Variants in STXBP5 observed in about 807,000 individuals in gnomAD.
STXBP5 encodes the protein syntaxin-binding protein 5.
A neutral mutation model predicts 152.4 loss-of-function variants in STXBP5; 50 were observed. The observed-to-expected ratio is 0.33, with a 90% CI of 0.26 to 0.42. The LOEUF (loss-of-function observed/expected upper bound fraction) is 0.42. Ranked by LOEUF, STXBP5 falls within the 10% of genes least tolerant of loss-of-function variation. The probability of loss-of-function intolerance (pLI) is 1.00; values close to 1 mark genes in which losing one functional copy is unlikely to be tolerated. For synonymous variants in STXBP5, 492 were observed against 494.7 expected, an observed-to-expected ratio of 0.99 and a Z score of 0.07; for missense variants, 1,167 against 1,388.6, an observed-to-expected ratio of 0.84 and a Z score of 2.54.
intron 8 of STXBP5, among the ~76,000 whole-genome samples, chr6:147,282,288 C>G (rs551199952): frequency 6.6e-6 from 1 of 152,114 alleles, no homozygotes; most frequent in African/African-American, 2.4e-5. Flanking sequence ...GAGCATTTTT[C>G]TTCACTTTAA....
intron 27 of STXBP5, 136 bp downstream of exon 27, chr6:147,383,134 T>G: frequency 9.8e-7 from 1 of 1,024,678 alleles, no homozygotes; most frequent in South Asian, 1.7e-5. Flanking sequence ...AGTTCCTGAT[T>G]TTTGCCACCA....
At position 147,353,305 on chromosome 6, in the gene STXBP5, A is replaced by T; in HGVS notation, c.2255-18A>T. 1 of 1,546,190 alleles carries T rather than the reference A, an allele frequency of 6.5e-7. No individual in the cohort carries two copies. ...TCAAATATTCTTCAGAATTTTAAAA[A>T]TGTCTTTTATTTTTCAGCAAAGATG... On this transcript the variant is annotated intron_variant, in intron 21 of 27. Transcript: ENST00000321680.
intron 7 of STXBP5, among the ~76,000 whole-genome samples, chr6:147,272,058 C>T (rs190172149): frequency 4.4e-4 from 67 of 152,100 alleles, no homozygotes; most frequent in Middle Eastern, 3.4e-3. Flanking sequence ...TTGGAAGTAC[C>T]GACGCTCACT....
At chr6:147,309,657 C>T (rs1782267759) in intron 9 of STXBP5, among the ~76,000 whole-genome samples, 1 of 151,882 alleles carries the variant, frequency 6.6e-6, no homozygotes. Context: ...GAGTACAATT[C>T]TTGATGCGTT....
chr6:147,333,496 C>G (rs1436351623), intron 18 of STXBP5, among the ~76,000 whole-genome samples: 1 of 152,174 alleles, frequency 6.6e-6, no homozygotes, highest in Non-Finnish European at 1.5e-5. Context: ...TGCACTCCAG[C>G]CTGGGCGACA....
chr6:147,353,212 CT>C (rs1312352752), intron 21 of STXBP5, 110 bp from the exon 22 acceptor site: 2 of 610,192 alleles, frequency 3.3e-6, no homozygotes, highest in East Asian at 3.2e-5. Flanking sequence ...TTTTATTTAT[CT>C]CGGCATCTAG....
At position 147,387,099 on chromosome 6, in the gene STXBP5, G is replaced by A. The variant is rs1402256277; in HGVS notation, c.*2344G>A. The A allele has an allele frequency of 1.3e-5, 2 of 151,604 alleles. No individual in the cohort carries two copies. Among genetic ancestry groups the A allele is most frequent in the African/African-American group, 4.8e-5 (2 of 41,382 alleles). 9.4% of individuals were successfully genotyped at this position (151,604 alleles called of 1,614,324 possible). On this transcript the variant is annotated 3_prime_UTR_variant, in exon 28 of 28. Transcript: ENST00000321680. ...TCTACAAATTATGCACAACAAACTA[G>A]AGACTCAGTTAGGATTAGAAAGCTT...
At chr6:147,282,224 G>T (rs897936560) in intron 8 of STXBP5, among the ~76,000 whole-genome samples, 6 of 152,092 alleles carry the variant, frequency 3.9e-5, no homozygotes, top group East Asian at 1.9e-4. Flanking sequence ...TGATTCGTTT[G>T]GTGGAAAAGG....
At chr6:147,330,401 T>C (rs1422446324) in intron 18 of STXBP5, among the ~76,000 whole-genome samples, 1 of 152,100 alleles carries the variant, frequency 6.6e-6, no homozygotes, top group African/African-American at 2.4e-5. Context: ...AAGCTATTAT[T>C]ATAATAAAGA....
intron 8 of STXBP5, among the ~76,000 whole-genome samples, chr6:147,285,100 A>G (rs1780893911): frequency 1.3e-5 from 2 of 152,158 alleles, no homozygotes; most frequent in African/African-American, 4.8e-5. Context: ...GGGGTGGGGA[A>G]ATAGGCCATA....
intron 17 of STXBP5, among the ~76,000 whole-genome samples, chr6:147,326,232 C>T (rs117235513): frequency 0.035 from 5,388 of 152,164 alleles, 146 homozygotes; most frequent in Admixed American, 0.054. Flanking sequence ...ATTTATTTTC[C>T]ACGACCATAA....
intron 9 of STXBP5, among the ~76,000 whole-genome samples, chr6:147,294,918 G>T (rs1377711560): frequency 6.6e-6 from 1 of 152,126 alleles, no homozygotes; most frequent in Admixed American, 6.5e-5. Flanking sequence ...TAAAATATTT[G>T]AAAGTCCCTG....
At chr6:147,260,933 T>C (rs1779612492) in intron 5 of STXBP5, among the ~76,000 whole-genome samples, 184 bp downstream of exon 5, 1 of 152,136 alleles carries the variant, frequency 6.6e-6, no homozygotes, top group South Asian at 2.1e-4. Context: ...AAATTTAAAT[T>C]ATGCATATGT....
At chr6:147,227,878 A>G (rs1316473386) in intron 2 of STXBP5, among the ~76,000 whole-genome samples, 2 of 151,826 alleles carry the variant, frequency 1.3e-5, no homozygotes, top group African/African-American at 4.8e-5. Context: ...CCTTTCTTGT[A>G]CAGCTGCTTT....
chr6:147,377,897 A>T (rs1785887663), intron 26 of STXBP5, among the ~76,000 whole-genome samples: 1 of 152,208 alleles, frequency 6.6e-6, no homozygotes. Context: ...GAAAAAAGAA[A>T]TGCACAAGTA....
chr6:147,322,720 G>A (rs1308072233), intron 16 of STXBP5, among the ~76,000 whole-genome samples: 5 of 152,186 alleles, frequency 3.3e-5, no homozygotes, highest in Non-Finnish European at 7.3e-5. Flanking sequence ...AATCAAAAAT[G>A]TTTTTAACTT....
chr6:147,205,807 C>T (rs1265204773), intron 1 of STXBP5, among the ~76,000 whole-genome samples, 164 bp from the exon 2 acceptor site: 1 of 152,098 alleles, frequency 6.6e-6, no homozygotes, highest in Non-Finnish European at 1.5e-5. Context: ...ATGTGAATAA[C>T]TTTGTTAATG....
At chr6:147,330,267 A>T (rs1447522340) in intron 18 of STXBP5, among the ~76,000 whole-genome samples, 2 of 152,062 alleles carry the variant, frequency 1.3e-5, no homozygotes, top group East Asian at 1.9e-4. Context: ...CAGTAGAATG[A>T]TAAAACTACT....
intron 7 of STXBP5, among the ~76,000 whole-genome samples, chr6:147,274,605 T>A (rs1175913159): frequency 1.3e-5 from 2 of 152,136 alleles, no homozygotes; most frequent in Non-Finnish European, 2.9e-5. Flanking sequence ...GTGTAAGAAA[T>A]CATATGTGCT....
Sources: allele counts gnomAD v4.1 joint callset (sites outside exome capture counted in the v4.1 genomes callset), GRCh38; gene constraint gnomAD v4.1.1; transcripts MANE v1.5; gene names NCBI Gene and HGNC (gene_info 2026-07-23, HGNC 2026-07-21).